The following FAM133A variants were observed in gnomAD, a reference collection of about 807,000 sequenced individuals.
FAM133A encodes family with sequence similarity 133 member A.
For missense variants in FAM133A, 159 were observed against 164.4 expected, an observed-to-expected ratio of 0.97 and a Z score of 0.18; for synonymous variants, 65 against 58.6, an observed-to-expected ratio of 1.11 and a Z score of -0.50.
In FAM133A at chrX:93,674,683, T is replaced by C. The variant is rs1924541674; in HGVS notation, c.-262T>C. Reference sequence around the variant, plus strand: ...GTATTTGTTATTTTTATTTACAGGATTTTTTTTTCTGCTACAGAACAACTC... The same window carrying C: ...GTATTTGTTATTTTTATTTACAGGACTTTTTTTTCTGCTACAGAACAACTC... On this transcript the variant is annotated splice_region_variant and 5_prime_UTR_variant, in exon 2 of 4. Coordinates refer to ENST00000683942, the MANE Select transcript of FAM133A (RefSeq NM_001171109.2). 1 of 110,568 alleles carries C rather than the reference T, an allele frequency of 9.0e-6. No individual in the cohort carries two copies. Among genetic ancestry groups the C allele is most frequent in the African/African-American group, 3.3e-5 (1 of 30,162 alleles). The allele number at this position is 110,568 out of a possible 1,213,427, so 9.1% of individuals were successfully genotyped here.
At chrX:93,686,092 A>T (rs1446197482) in intron 2 of FAM133A, among the ~76,000 whole-genome samples, 2 of 81,667 alleles carry the variant, frequency 2.4e-5, no homozygotes, top group Admixed American at 1.7e-4. Context: ...AGGGTGACAG[A>T]GTGAGACTCC....
chrX:93,706,313 A>G (rs1347452112), intron 3 of FAM133A, among the ~76,000 whole-genome samples: 1 of 111,826 alleles, frequency 8.9e-6, no homozygotes, highest in East Asian at 2.8e-4. Flanking sequence ...ATACTGGTCC[A>G]GCTCTTACTA....
chrX:93,695,242 A>G (rs2147628030), intron 2 of FAM133A, among the ~76,000 whole-genome samples: 1 of 111,052 alleles, frequency 9.0e-6, no homozygotes, highest in East Asian at 2.8e-4. Flanking sequence ...TAATAACCTG[A>G]AGACATTTTG....
intron 2 of FAM133A, among the ~76,000 whole-genome samples, chrX:93,695,634 CTTTTTTTTTTTT>C (rs759503397): frequency 2.1e-5 from 1 of 48,368 alleles, no homozygotes; most frequent in Admixed American, 3.5e-4. Context: ...CAGGAATCTG[CTTTTTTTTTTTT>C]TTTTTTTTTT....
chrX:93,679,635 T>C (rs1924964820), intron 2 of FAM133A, among the ~76,000 whole-genome samples: 1 of 111,424 alleles, frequency 9.0e-6, no homozygotes, highest in African/African-American at 3.3e-5. Flanking sequence ...GTATACATTG[T>C]TGAATGACTA....
intron 2 of FAM133A, among the ~76,000 whole-genome samples, chrX:93,681,626 C>T (rs1436596590): frequency 9.0e-6 from 1 of 111,367 alleles, no homozygotes; most frequent in East Asian, 2.8e-4. Context: ...CTAATTGTTG[C>T]TTTTGGTTAA....
rs1382579469 is a variant in FAM133A, at chrX:93,676,970, T to C, written c.-193+2218T>C. Among the ~76,000 whole-genome samples the C allele has an allele frequency of 2.7e-5, 3 of 109,308 alleles. No homozygotes were observed. The East Asian group carries it at 8.6e-4, about 31-fold the overall frequency. The allele number at this position is 109,308 out of a possible 115,157, so 94.9% of individuals were successfully genotyped here. On this transcript the variant is annotated intron_variant, in intron 2 of 3. Coordinates refer to ENST00000683942, the MANE Select transcript of FAM133A (RefSeq NM_001171109.2). ...AATTAGTTTCTTTAATTTTATGTAG[T>C]AGGTATCTAAAAGAAAATAAGCTTT... is the stretch of plus-strand genomic sequence containing the variant.
Position 93,702,213 on chromosome X carries a change from A to G in FAM133A, c.-104+3728A>G, listed in dbSNP as rs548145180. ...ACCCAGTGCCAAGGTCTTGTTTTCT[A>G]TTATCGTTCTGCAGTAAAAGGAACC... On this transcript the variant is annotated intron_variant, in intron 3 of 3. Coordinates refer to ENST00000683942, the MANE Select transcript of FAM133A (RefSeq NM_001171109.2). 3.6e-5 allele frequency among the ~76,000 whole-genome samples: 4 copies of G among 111,252 alleles called. No homozygotes were observed. In the Admixed American group the frequency reaches 3.8e-4, roughly 11 times the overall value.
At chrX:93,696,798 T>A (rs1196359110) in intron 2 of FAM133A, among the ~76,000 whole-genome samples, 1 of 109,781 alleles carries the variant, frequency 9.1e-6, no homozygotes, top group Non-Finnish European at 1.9e-5. Context: ...CGGGTGCCTG[T>A]AGTCCCAGCT....
intron 2 of FAM133A, among the ~76,000 whole-genome samples, chrX:93,679,944 TTTTTTTTTTTTTTTA>T (rs1925011383): frequency 2.7e-5 from 1 of 36,516 alleles, no homozygotes; most frequent in African/African-American, 8.3e-5. Flanking sequence ...TTTTTTTTTT[TTTTTTTTTTTTTTTA>T]GTAGAGACAG....
At chrX:93,674,967 A>C (rs1445568144) in intron 2 of FAM133A, among the ~76,000 whole-genome samples, 1 of 112,276 alleles carries the variant, frequency 8.9e-6, no homozygotes, top group Non-Finnish European at 1.9e-5. Flanking sequence ...GTCATAGAAT[A>C]CAAGTGGTAA....
chrX:93,707,222 G>T (rs1164540892), intron 3 of FAM133A, among the ~76,000 whole-genome samples: 1 of 111,875 alleles, frequency 8.9e-6, no homozygotes, highest in African/African-American at 3.2e-5. Flanking sequence ...TATTTGAGAC[G>T]TGGTTAGGGT....
At chrX:93,696,193 C>G (rs1000916025) in intron 2 of FAM133A, among the ~76,000 whole-genome samples, 4 of 110,751 alleles carry the variant, frequency 3.6e-5, no homozygotes, top group Non-Finnish European at 3.8e-5. Flanking sequence ...CCAGGCAGCT[C>G]GATAAAAATA....
chrX:93,693,948 G>A (rs976606548), intron 2 of FAM133A, among the ~76,000 whole-genome samples: 3 of 111,080 alleles, frequency 2.7e-5, no homozygotes, highest in African/African-American at 9.8e-5. Flanking sequence ...AAATTAAAAT[G>A]TTATTATCTA....
At chrX:93,708,363 A>G (rs1927183507) in intron 3 of FAM133A, among the ~76,000 whole-genome samples, 1 of 112,137 alleles carries the variant, frequency 8.9e-6, no homozygotes, top group Admixed American at 9.5e-5. Context: ...TCATTAAAAT[A>G]TAAAACCACT....
rs1927430826 is a variant in FAM133A at position 93,711,271 on chromosome X, T to C, written c.*1105T>C. 1.6e-5 allele frequency: 2 copies of C among 122,617 alleles called. No homozygotes were observed. The allele number at this position is 122,617 out of a possible 1,213,427, so 10.1% of individuals were successfully genotyped here. On this transcript the variant is annotated 3_prime_UTR_variant, in exon 4 of 4. Coordinates refer to ENST00000683942, the MANE Select transcript of FAM133A (RefSeq NM_001171109.2). Reference sequence around the variant, plus strand: ...GCCAGACCTCTAGTACGCCGTATGTTACATGAAACTACTGCCAAAATCTTA... The same window carrying C: ...GCCAGACCTCTAGTACGCCGTATGTCACATGAAACTACTGCCAAAATCTTA...
At chrX:93,708,108 C>T (rs2147670594) in intron 3 of FAM133A, among the ~76,000 whole-genome samples, 1 of 112,259 alleles carries the variant, frequency 8.9e-6, no homozygotes, top group East Asian at 2.8e-4. Context: ...GATCTTTAAA[C>T]TGTTTGTGTC....
intron 3 of FAM133A, among the ~76,000 whole-genome samples, chrX:93,706,782 T>C (rs939955061): frequency 2.7e-5 from 3 of 111,831 alleles, no homozygotes; most frequent in African/African-American, 9.7e-5. Context: ...ATGTCTCATA[T>C]ATTTCTCATT....
intron 2 of FAM133A, among the ~76,000 whole-genome samples, chrX:93,679,191 G>C (rs1475751742): frequency 1.8e-5 from 2 of 110,309 alleles, no homozygotes; most frequent in African/African-American, 6.6e-5. Context: ...ATATTGAATA[G>C]AAAGTATCTT....
Sources: allele counts gnomAD v4.1 joint callset (sites outside exome capture counted in the v4.1 genomes callset), GRCh38; gene constraint gnomAD v4.1.1; transcripts MANE v1.5; gene names NCBI Gene and HGNC (gene_info 2026-07-23, HGNC 2026-07-21).